SLIT2: variants seen among roughly 807,000 people sequenced by gnomAD.
The protein encoded by SLIT2 is slit guidance ligand 2.
In SLIT2, 41 loss-of-function variants were observed where a neutral mutation model predicts 185.7. The observed-to-expected ratio is 0.22, with a 90% CI of 0.17 to 0.29. SLIT2 has a LOEUF of 0.29. SLIT2 is among the 10% of genes least tolerant of loss of function. The probability of loss-of-function intolerance (pLI) is 1.00; values close to 1 mark genes in which losing one functional copy is unlikely to be tolerated. For synonymous variants in SLIT2, 693 were observed against 680.2 expected (o/e 1.02, Z -0.29); for missense variants, 1,571 against 1,909.0 (o/e 0.82, Z 3.30).
intron 12 of SLIT2, among the ~76,000 whole-genome samples, chr4:20,520,111 G>A (rs1720709744): frequency 1.3e-5 from 2 of 151,140 alleles, no homozygotes; most frequent in South Asian, 4.2e-4. Context: ...AGGAGCGACA[G>A]TGCTGCAATA....
intron 4 of SLIT2, among the ~76,000 whole-genome samples, chr4:20,403,964 C>G (rs368839948): frequency 1.3e-5 from 2 of 151,234 alleles, no homozygotes; most frequent in Admixed American, 1.3e-4. Flanking sequence ...TTCATTGGGC[C>G]GCATACAAAC....
intron 4 of SLIT2, among the ~76,000 whole-genome samples, chr4:20,319,452 A>G (rs1024848170): frequency 6.6e-6 from 1 of 152,204 alleles, no homozygotes; most frequent in Non-Finnish European, 1.5e-5. Context: ...ATTTGAAATG[A>G]AAAGCAGGAA....
intron 33 of SLIT2, among the ~76,000 whole-genome samples, chr4:20,600,954 T>C (rs1258868554): frequency 6.7e-6 from 1 of 149,702 alleles, no homozygotes. Context: ...GAAAATAATA[T>C]AAGAAAAAAG....
chr4:20,320,427 T>C (rs1577425679), intron 4 of SLIT2, among the ~76,000 whole-genome samples: 1 of 152,198 alleles, frequency 6.6e-6, no homozygotes, highest in Non-Finnish European at 1.5e-5. Flanking sequence ...CAACTTATTC[T>C]GAGCCCCAGC....
At chr4:20,508,089 C>T (rs1335236584) in intron 9 of SLIT2, among the ~76,000 whole-genome samples, 2 of 151,960 alleles carry the variant, frequency 1.3e-5, no homozygotes, top group African/African-American at 2.4e-5. Flanking sequence ...AAAAAACTCC[C>T]TTTCTTATGA....
chr4:20,428,434 A>G (rs964187323), intron 4 of SLIT2, among the ~76,000 whole-genome samples: 23 of 152,304 alleles, frequency 1.5e-4, no homozygotes, highest in African/African-American at 5.5e-4. Context: ...TCTTTTCCTC[A>G]AAATGTGTTT....
intron 12 of SLIT2, among the ~76,000 whole-genome samples, chr4:20,520,033 CAAAAAAAAAA>C (rs34644308): frequency 5.8e-5 from 4 of 68,384 alleles, no homozygotes; most frequent in South Asian, 7.9e-4. Context: ...GACTCCGTCT[CAAAAAAAAAA>C]AAAAAAAAAA....
At chr4:20,596,818 A>G (rs1380748417) in intron 32 of SLIT2, among the ~76,000 whole-genome samples, 163 bp downstream of exon 32, 1 of 152,158 alleles carries the variant, frequency 6.6e-6, no homozygotes, top group Non-Finnish European at 1.5e-5. Context: ...TTTCTCTTCA[A>G]CATTTGTATT....
At chr4:20,573,943 T>TTTATTTATTTAC in intron 29 of SLIT2, among the ~76,000 whole-genome samples, 1 of 148,602 alleles carries the variant, frequency 6.7e-6, no homozygotes, top group Admixed American at 6.7e-5. Flanking sequence ...AATTATTTTA[T>TTTATTTATTTAC]TTATTTATTT....
intron 29 of SLIT2, among the ~76,000 whole-genome samples, chr4:20,580,392 GTA>G (rs67641353): frequency 0.72 from 108,976 of 150,714 alleles, 40,269 homozygotes; most frequent in East Asian, 0.97. Context: ...CTTAATGATA[GTA>G]TATATATATA....
rs763565025 is a variant in SLIT2 at position 20,618,805 on chromosome 4, C to T, written c.4386C>T (p.Tyr1462=). ...SCRGERIRDY[Y]QKQQGYAACQ... ...GAGGGGAAAGGATAAGAGATTATTA[C>T]CAAAAGCAGCAGGGCTATGCTGCTT... Residue 1462 remains tyrosine, a synonymous_variant, in exon 37 of 37, where the codon TAC becomes TAT. Transcript: ENST00000504154. 1.9e-6 allele frequency: 3 copies of T among 1,608,614 alleles called. No homozygotes were observed. The Admixed American group carries it at 5.0e-5, about 27-fold the overall frequency.
At chr4:20,447,689 AT>A (rs1711970314) in intron 4 of SLIT2, among the ~76,000 whole-genome samples, 1 of 152,096 alleles carries the variant, frequency 6.6e-6, no homozygotes, top group Admixed American at 6.5e-5. Context: ...CGGCATCCAT[AT>A]TGTCTGCGTT....
At chr4:20,519,934 T>C (rs548743311) in intron 12 of SLIT2, among the ~76,000 whole-genome samples, 2 of 146,364 alleles carry the variant, frequency 1.4e-5, no homozygotes, top group South Asian at 4.3e-4. Flanking sequence ...CTCAGGAGGC[T>C]GAGGCAGGAG....
chr4:20,291,332 C>T (rs1715793697), intron 4 of SLIT2, among the ~76,000 whole-genome samples: 1 of 150,876 alleles, frequency 6.6e-6, no homozygotes, highest in Non-Finnish European at 1.5e-5. Flanking sequence ...GTGATCTTAT[C>T]ACTGGATTGC....
chr4:20,533,841 C>T, intron 18 of SLIT2, 126 bp downstream of exon 18: 3 of 764,724 alleles, frequency 3.9e-6, no homozygotes, highest in Non-Finnish European at 6.7e-6. Flanking sequence ...TTCACATTCT[C>T]TGTTACACAC....
At chr4:20,274,849 T>C (rs1192362491) in intron 4 of SLIT2, among the ~76,000 whole-genome samples, 3 of 152,100 alleles carry the variant, frequency 2.0e-5, no homozygotes, top group African/African-American at 4.8e-5. Context: ...CTTGAATTTG[T>C]AGAATACTAT....
intron 4 of SLIT2, among the ~76,000 whole-genome samples, chr4:20,448,561 T>C (rs1322390376): frequency 6.6e-6 from 1 of 152,138 alleles, no homozygotes; most frequent in East Asian, 1.9e-4. Flanking sequence ...CCTCAGGTGA[T>C]CCACCCACCT....
chr4:20,390,082 T>C (rs35642460), intron 4 of SLIT2, among the ~76,000 whole-genome samples: 24,899 of 151,996 alleles, frequency 0.16, 2,622 homozygotes, highest in East Asian at 0.43. Context: ...TCTTTGATCA[T>C]AGTCCGTATC....
chr4:20,504,582 GTA>G (rs1249177425), intron 9 of SLIT2, among the ~76,000 whole-genome samples: 4 of 152,124 alleles, frequency 2.6e-5, no homozygotes, highest in Non-Finnish European at 4.4e-5. Flanking sequence ...ATGTATGTGT[GTA>G]TGTGTTTATT....
Sources: allele counts gnomAD v4.1 joint callset (sites outside exome capture counted in the v4.1 genomes callset), GRCh38; gene constraint gnomAD v4.1.1; transcripts MANE v1.5; gene names NCBI Gene and HGNC (gene_info 2026-07-23, HGNC 2026-07-21).